The following MMP26 variants were observed in gnomAD, a reference collection of about 807,000 sequenced individuals.
MMP26 encodes matrix metalloproteinase-26.
Under a neutral mutation model 31.0 loss-of-function variants are expected in MMP26, and 33 were observed. The observed-to-expected ratio is 1.06, with a 90% CI of 0.81 to 1.42. MMP26 has a LOEUF of 1.42. MMP26 is among the 40% of genes most tolerant of loss of function. MMP26 has a pLI of 0.00. For synonymous variants in MMP26, 122 were observed against 114.9 expected (o/e 1.06, Z -0.40); for missense variants, 347 against 316.1 (o/e 1.10, Z -0.74).
intron 1 of MMP26, among the ~76,000 whole-genome samples, chr11:4,739,820 C>T (rs371729361): frequency 1.4e-4 from 21 of 152,186 alleles, no homozygotes; most frequent in Middle Eastern, 3.4e-3. Flanking sequence ...AGTTTTGAAT[C>T]AGCCACAAAA....
At chr11:4,949,909 G>GA (rs1246816391) in intron 2 of MMP26, among the ~76,000 whole-genome samples, 2 of 122,336 alleles carry the variant, frequency 1.6e-5, no homozygotes, top group Non-Finnish European at 3.7e-5. Flanking sequence ...CAGGTACCCA[G>GA]AATATGCCAT....
At chr11:4,971,271 G>T (rs569932155) in intron 2 of MMP26, among the ~76,000 whole-genome samples, 1 of 152,118 alleles carries the variant, frequency 6.6e-6, no homozygotes, top group Non-Finnish European at 1.5e-5. Flanking sequence ...TGGGATTGTA[G>T]CACAGCTTCT....
intron 1 of MMP26, among the ~76,000 whole-genome samples, chr11:4,740,384 A>G (rs1848296068): frequency 6.6e-6 from 1 of 152,172 alleles, no homozygotes; most frequent in Admixed American, 6.5e-5. Flanking sequence ...GAGGATTTAC[A>G]AAGAAATAAT....
chr11:4,717,286 C>T (rs187785894), intron 1 of MMP26, among the ~76,000 whole-genome samples: 1 of 152,118 alleles, frequency 6.6e-6, no homozygotes, highest in African/African-American at 2.4e-5. Context: ...CTCTGTATCT[C>T]AACAGTCTGG....
chr11:4,725,061 C>T (rs1848079474), intron 1 of MMP26, among the ~76,000 whole-genome samples: 1 of 152,070 alleles, frequency 6.6e-6, no homozygotes. Flanking sequence ...GAGATCTGGT[C>T]GTTTAGGAGT....
chr11:4,810,679 G>C (rs1019495189), intron 2 of MMP26, among the ~76,000 whole-genome samples: 2 of 152,188 alleles, frequency 1.3e-5, no homozygotes, highest in Non-Finnish European at 2.9e-5. Flanking sequence ...CTGAGTGCGT[G>C]ATTATCCAGA....
At chr11:4,810,114 T>G (rs930902388) in intron 2 of MMP26, among the ~76,000 whole-genome samples, 1 of 152,230 alleles carries the variant, frequency 6.6e-6, no homozygotes, top group African/African-American at 2.4e-5. Flanking sequence ...GCTTGAAGCA[T>G]TAACCCATCC....
intron 2 of MMP26, among the ~76,000 whole-genome samples, chr11:4,965,467 T>G (rs938639356): frequency 2.4e-4 from 37 of 152,224 alleles, no homozygotes; most frequent in African/African-American, 8.4e-4. Context: ...TTAAGAAGGT[T>G]AAGGAGGCTT....
chr11:4,816,014 T>C (rs1849415189), intron 2 of MMP26, among the ~76,000 whole-genome samples: 1 of 152,388 alleles, frequency 6.6e-6, no homozygotes, highest in Admixed American at 6.5e-5. Flanking sequence ...CATTTATTGC[T>C]ATAAACGTCC....
intron 2 of MMP26, chr11:4,923,348 C>T: frequency 6.6e-7 from 1 of 1,518,844 alleles, no homozygotes; most frequent in Non-Finnish European, 8.8e-7. Context: ...GGCTTTATGT[C>T]CAAAACTTCC....
intron 2 of MMP26, chr11:4,877,804 G>A (rs985837445): frequency 6.6e-6 from 1 of 152,006 alleles, no homozygotes; most frequent in Admixed American, 6.6e-5. Context: ...TTGCATAATG[G>A]TTTTCATGAG....
rs73403015 is a variant in MMP26, at chr11:4,803,792, T to C, written c.-145+36451T>C. ...ACAAAGAGCCCATTCCCACGACTTA[T>C]GCTTGTATCAGCACACACCAACTTC... On this transcript the variant is annotated intron_variant, in intron 2 of 7. Coordinates refer to ENST00000380390, the MANE Select transcript of MMP26 (RefSeq NM_021801.5). The C allele has an allele frequency of 9.2e-4, 1,483 of 1,613,052 alleles. 17 individuals are homozygous for C. The African/African-American group carries it at 0.016, about 17-fold the overall frequency.
At chr11:4,778,562 GCTT>G (rs1320347055) in intron 2 of MMP26, among the ~76,000 whole-genome samples, 1 of 151,844 alleles carries the variant, frequency 6.6e-6, no homozygotes, top group Non-Finnish European at 1.5e-5. Context: ...TAAGAATAAA[GCTT>G]CAACTTTATT....
intron 2 of MMP26, chr11:4,914,652 A>G: frequency 9.6e-7 from 1 of 1,044,688 alleles, no homozygotes; most frequent in Non-Finnish European, 1.4e-6. Flanking sequence ...TATGCATGTT[A>G]GAAATTATAA....
At chr11:4,914,178 G>T (rs1184857291) in intron 2 of MMP26, 1 of 152,886 alleles carries the variant, frequency 6.5e-6, no homozygotes, top group African/African-American at 2.4e-5. Flanking sequence ...CTCAGCTAAG[G>T]TCTCAGCCTT....
chr11:4,888,000 C>T (rs1448777233), intron 2 of MMP26, among the ~76,000 whole-genome samples: 1 of 152,024 alleles, frequency 6.6e-6, no homozygotes, highest in Non-Finnish European at 1.5e-5. Context: ...AAGGACTCAC[C>T]TAAATTCACC....
intron 2 of MMP26, among the ~76,000 whole-genome samples, chr11:4,965,957 A>G (rs965520218): frequency 2.0e-5 from 3 of 152,188 alleles, no homozygotes; most frequent in African/African-American, 7.2e-5. Context: ...AATAAATTAC[A>G]TGAGAACATC....
At chr11:4,810,411 G>A (rs1056890908) in intron 2 of MMP26, among the ~76,000 whole-genome samples, 2 of 152,142 alleles carry the variant, frequency 1.3e-5, no homozygotes, top group Non-Finnish European at 1.5e-5. Context: ...AAGCGTAAGT[G>A]TATATCAAAT....
chr11:4,804,810 A>AC (rs574034805), intron 2 of MMP26, among the ~76,000 whole-genome samples: 11 of 151,596 alleles, frequency 7.3e-5, no homozygotes, highest in Non-Finnish European at 2.9e-5. Context: ...ACAAAACAAA[A>AC]AAAAACCCCA....
Sources: allele counts gnomAD v4.1 joint callset (sites outside exome capture counted in the v4.1 genomes callset), GRCh38; gene constraint gnomAD v4.1.1; transcripts MANE v1.5; gene names NCBI Gene and HGNC (gene_info 2026-07-23, HGNC 2026-07-21).